The following ANGPT1 variants were observed in gnomAD, a reference collection of about 807,000 sequenced individuals.
ANGPT1 encodes the protein angiopoietin 1, also known as angiopoietin-1.
A neutral mutation model predicts 62.2 loss-of-function variants in ANGPT1; 17 were observed. The ratio of observed to expected loss-of-function variants is 0.27; its 90% CI spans 0.19 to 0.41. The LOEUF is 0.41. Among genes scored for constraint, ANGPT1 ranks in the 10% least tolerant of loss-of-function variants. The pLI is 1.00. For synonymous variants in ANGPT1, 199 were observed against 198.9 expected, an observed-to-expected ratio of 1.00 and a Z score of 0.00; for missense variants, 478 against 594.9, an observed-to-expected ratio of 0.80 and a Z score of 2.04.
At chr8:107,445,020 G>C (rs1489321579) in intron 1 of ANGPT1, among the ~76,000 whole-genome samples, 1 of 152,148 alleles carries the variant, frequency 6.6e-6, no homozygotes, top group Non-Finnish European at 1.5e-5. Context: ...ATGGTCATTA[G>C]AATCCGCACT....
chr8:107,353,262 T>C (rs1255447602), intron 1 of ANGPT1, among the ~76,000 whole-genome samples: 1 of 152,168 alleles, frequency 6.6e-6, no homozygotes, highest in African/African-American at 2.4e-5. Flanking sequence ...TTTATAGATG[T>C]GGTGACTGAG....
chr8:107,462,735 G>T (rs1014974287), intron 1 of ANGPT1, among the ~76,000 whole-genome samples: 5 of 152,120 alleles, frequency 3.3e-5, no homozygotes, highest in African/African-American at 1.2e-4. Context: ...TTTTAAAAGA[G>T]ATTTTACTTT....
intron 1 of ANGPT1, among the ~76,000 whole-genome samples, chr8:107,450,649 C>A (rs1331685432): frequency 6.6e-6 from 1 of 151,368 alleles, no homozygotes; most frequent in East Asian, 1.9e-4. Context: ...CTGAAAAATG[C>A]TTGACCCAAA....
In ANGPT1 at chr8:107,299,751, AGATATG is replaced by A. The variant is rs1203387294; in HGVS notation, c.936+3483_936+3488del. On this transcript the variant is annotated intron_variant, in intron 5 of 8. Transcript: ENST00000517746. ...TTATATCTAGATATACTATATATCT[AGATATG>A]TAGTTATATCTAGATATACTATATA... Among the ~76,000 whole-genome samples the A allele has an allele frequency of 8.1e-3, 968 of 119,502 alleles. 18 individuals carry two copies. Among genetic ancestry groups the A allele is most frequent in the African/African-American group, 0.022 (630 of 29,212 alleles). The allele number at this position is 119,502 out of a possible 152,430, so 78.4% of individuals were successfully genotyped here.
At chr8:107,270,009 C>T (rs1813702294) in intron 7 of ANGPT1, among the ~76,000 whole-genome samples, 1 of 152,014 alleles carries the variant, frequency 6.6e-6, no homozygotes, top group Admixed American at 6.6e-5. Context: ...TAAATCATCA[C>T]ATTTCTTAAT....
intron 1 of ANGPT1, among the ~76,000 whole-genome samples, chr8:107,474,603 A>G (rs1812460897): frequency 6.6e-6 from 1 of 152,144 alleles, no homozygotes; most frequent in Non-Finnish European, 1.5e-5. Context: ...GGCAGGAGAA[A>G]GAAATAAAGG....
chr8:107,459,663 G>T (rs186477714), intron 1 of ANGPT1, among the ~76,000 whole-genome samples: 1 of 152,120 alleles, frequency 6.6e-6, no homozygotes, highest in South Asian at 2.1e-4. Context: ...CTTTATATTC[G>T]CCAATATAAG....
At chr8:107,469,251 A>C (rs772159333) in intron 1 of ANGPT1, among the ~76,000 whole-genome samples, 6 of 151,962 alleles carry the variant, frequency 3.9e-5, no homozygotes, top group Non-Finnish European at 8.8e-5. Context: ...GACCAAATCC[A>C]ATCTTTTATT....
chr8:107,420,489 ATTGT>A (rs1810869567), intron 1 of ANGPT1, among the ~76,000 whole-genome samples: 1 of 152,122 alleles, frequency 6.6e-6, no homozygotes, highest in Non-Finnish European at 1.5e-5. Context: ...TTATAGGTTA[ATTGT>A]TAGTTGTCTC....
In ANGPT1 at chr8:107,497,408, C is replaced by T. The variant is rs748858241; in HGVS notation, c.151G>A (p.Asp51Asn). The T allele has an allele frequency of 6.2e-7, 1 of 1,614,158 alleles. No individual in the cohort carries two copies. ...GTCGTACTCTCACGACAGTTGCCAT[C>T]GTGTTCTGGAAGAATGAAAGTGTAG... ...CAYTFILPEHDGNCRESTTDQ... is the reference protein window; with the variant it reads ...CAYTFILPEHNGNCRESTTDQ... Residue 51 changes from aspartate (D) to asparagine (N), a missense_variant, in exon 1 of 9, where the codon GAT becomes AAT. By Grantham distance (23) the Asp-to-Asn change is conservative (BLOSUM62 1). Coordinates refer to ENST00000517746, the MANE Select transcript of ANGPT1 (RefSeq NM_001146.5).
intron 1 of ANGPT1, among the ~76,000 whole-genome samples, chr8:107,435,216 G>A (rs530374742): frequency 2.6e-5 from 4 of 152,160 alleles, no homozygotes; most frequent in Middle Eastern, 3.4e-3. Context: ...AAAAGTCATC[G>A]GACTGTACAT....
intron 1 of ANGPT1, among the ~76,000 whole-genome samples, chr8:107,383,046 A>G (rs1051250773): frequency 6.6e-6 from 1 of 152,124 alleles, no homozygotes; most frequent in Non-Finnish European, 1.5e-5. Context: ...ACATCTGTCC[A>G]TGTCATCTGG....
At chr8:107,397,441 TTGTGTG>T (rs3036540) in intron 1 of ANGPT1, among the ~76,000 whole-genome samples, 1 of 150,322 alleles carries the variant, frequency 6.7e-6, no homozygotes, top group African/African-American at 2.4e-5. Flanking sequence ...AAAATGTTGC[TTGTGTG>T]TGTGTGTGTG....
chr8:107,497,327 A>C lies in ANGPT1; in HGVS notation c.232T>G (p.Phe78Val). The C allele has an allele frequency of 1.2e-6, 2 of 1,614,200 alleles. No homozygotes were observed. Among genetic ancestry groups the C allele is most frequent in the Non-Finnish European group, 1.7e-6 (2 of 1,180,018 alleles). ...QRDAPHVEPD[F>V]SSQKLQHLEH... ...AGATGTTGAAGTTTCTGGGAAGAGA[A>C]ATCCGGTTCCACGTGTGGAGCATCT... The change falls in exon 1 of 9, where the codon TTC becomes GTC. Residue 78 changes from phenylalanine to valine, a missense_variant. Physicochemically the swap from Phe to Val is conservative, Grantham distance 50. Transcript: ENST00000517746.
intron 1 of ANGPT1, among the ~76,000 whole-genome samples, chr8:107,495,547 C>T (rs1031187662): frequency 3.3e-5 from 5 of 152,268 alleles, no homozygotes; most frequent in East Asian, 1.9e-4. Flanking sequence ...TGTGATTATA[C>T]GCTTTAAGCA....
chr8:107,372,817 C>T (rs894193908), intron 1 of ANGPT1, among the ~76,000 whole-genome samples: 7 of 151,176 alleles, frequency 4.6e-5, no homozygotes, highest in African/African-American at 7.3e-5. Flanking sequence ...GTGTTATATA[C>T]GTTATATGTA....
At chr8:107,358,073 T>C (rs1816085095) in intron 1 of ANGPT1, among the ~76,000 whole-genome samples, 1 of 152,174 alleles carries the variant, frequency 6.6e-6, no homozygotes, top group Non-Finnish European at 1.5e-5. Context: ...GTAAAATAAA[T>C]GATAAAAGTG....
At chr8:107,491,960 C>T (rs1007600898) in intron 1 of ANGPT1, among the ~76,000 whole-genome samples, 1 of 151,528 alleles carries the variant, frequency 6.6e-6, no homozygotes, top group Non-Finnish European at 1.5e-5. Context: ...ACCTACTTGT[C>T]ATAGCCCTAA....
intron 4 of ANGPT1, among the ~76,000 whole-genome samples, chr8:107,309,592 T>C (rs751396899): frequency 3.2e-4 from 48 of 152,194 alleles, no homozygotes; most frequent in Admixed American, 8.5e-4. Context: ...CAGTCCAAGT[T>C]TCAATATTTT....
Sources: allele counts gnomAD v4.1 joint callset (sites outside exome capture counted in the v4.1 genomes callset), GRCh38; gene constraint gnomAD v4.1.1; transcripts MANE v1.5; gene names NCBI Gene and HGNC (gene_info 2026-07-23, HGNC 2026-07-21).